Variants in ST6GALNAC5 observed in about 807,000 individuals in gnomAD.
ST6GALNAC5 encodes the protein alpha-N-acetylgalactosaminide alpha-2,6-sialyltransferase 5.
Under a neutral mutation model 33.6 loss-of-function variants are expected in ST6GALNAC5, and 27 were observed. That is an observed-to-expected ratio of 0.80 (90% CI 0.59 to 1.11). The LOEUF is 1.11. Ranked by LOEUF, ST6GALNAC5 falls within the 50% of genes least tolerant of loss-of-function variation. The pLI is 0.00. For synonymous variants in ST6GALNAC5, 194 were observed against 171.2 expected, an observed-to-expected ratio of 1.13 and a Z score of -1.04; for missense variants, 428 against 454.0, an observed-to-expected ratio of 0.94 and a Z score of 0.52.
rs1229323850 is a variant in ST6GALNAC5, at chr1:76,968,822, T to G, written c.262-75382T>G. Among the ~76,000 whole-genome samples, 5 of 152,202 alleles carry G rather than the reference T, an allele frequency of 3.3e-5. No homozygotes were observed. In the South Asian group the frequency reaches 1.0e-3, roughly 32 times the overall value. ...ATTTGCTGTCTGTAAAGGATTTTAT[T>G]TCTCCTTCACTTATGAAGCTTAGTT... is the stretch of plus-strand genomic sequence containing the variant. On this transcript the variant is annotated intron_variant, in intron 2 of 4. Coordinates refer to ENST00000477717, the MANE Select transcript of ST6GALNAC5 (RefSeq NM_030965.3).
chr1:76,970,545 T>A (rs1419989484), intron 2 of ST6GALNAC5, among the ~76,000 whole-genome samples: 3 of 151,856 alleles, frequency 2.0e-5, no homozygotes, highest in Non-Finnish European at 4.4e-5. Context: ...CTCCAAGAAA[T>A]ATGGGACTAT....
chr1:76,970,252 T>C (rs560315833), intron 2 of ST6GALNAC5, among the ~76,000 whole-genome samples: 9 of 151,888 alleles, frequency 5.9e-5, no homozygotes, highest in African/African-American at 1.7e-4. Context: ...AATAACAAAC[T>C]TCTCTGAGCT....
chr1:76,875,693 G>A (rs992827989), intron 2 of ST6GALNAC5, among the ~76,000 whole-genome samples: 2 of 152,192 alleles, frequency 1.3e-5, no homozygotes, highest in African/African-American at 2.4e-5. Flanking sequence ...GTGATGGTGA[G>A]TGGTTCCGCT....
At chr1:76,948,584 G>GGACA (rs1553168042) in intron 2 of ST6GALNAC5, among the ~76,000 whole-genome samples, 3 of 51,772 alleles carry the variant, frequency 5.8e-5, no homozygotes, top group Non-Finnish European at 1.4e-4. Context: ...ATGGGAGTGG[G>GGACA]GACAGAGAGA....
intron 2 of ST6GALNAC5, among the ~76,000 whole-genome samples, chr1:77,033,554 C>T (rs796336960): frequency 2.0e-5 from 3 of 152,062 alleles, no homozygotes; most frequent in African/African-American, 4.8e-5. Context: ...GTATTGGGCT[C>T]GGAAGAGGTC....
At chr1:77,043,142 G>A (rs866886415) in intron 2 of ST6GALNAC5, among the ~76,000 whole-genome samples, 1 of 152,222 alleles carries the variant, frequency 6.6e-6, no homozygotes, top group Non-Finnish European at 1.5e-5. Flanking sequence ...GAGAAGAAGC[G>A]CATAGACTCT....
intron 2 of ST6GALNAC5, among the ~76,000 whole-genome samples, chr1:76,878,725 G>C (rs2100919338): frequency 6.6e-6 from 1 of 152,210 alleles, no homozygotes; most frequent in African/African-American, 2.4e-5. Flanking sequence ...AGGATTCTCT[G>C]TTTTTACAAT....
chr1:76,907,724 A>G (rs1287019993), intron 2 of ST6GALNAC5, among the ~76,000 whole-genome samples: 2 of 152,012 alleles, frequency 1.3e-5, no homozygotes, highest in South Asian at 2.1e-4. Context: ...TTTTCCTCCT[A>G]TTAAGCATGG....
chr1:76,933,218 T>G (rs1265553381), intron 2 of ST6GALNAC5, among the ~76,000 whole-genome samples: 1 of 151,994 alleles, frequency 6.6e-6, no homozygotes, highest in African/African-American at 2.4e-5. Context: ...TGTGTATGGG[T>G]GGAGCTCTGG....
At chr1:77,011,278 G>A (rs1222839240) in intron 2 of ST6GALNAC5, among the ~76,000 whole-genome samples, 1 of 152,166 alleles carries the variant, frequency 6.6e-6, no homozygotes, top group Non-Finnish European at 1.5e-5. Flanking sequence ...TACGTGCCTT[G>A]GTGCCTCGGG....
At chr1:76,926,126 C>T (rs1164194162) in intron 2 of ST6GALNAC5, among the ~76,000 whole-genome samples, 1 of 152,128 alleles carries the variant, frequency 6.6e-6, no homozygotes, top group East Asian at 1.9e-4. Context: ...CTCTTCTCTT[C>T]CTTGTAGTTT....
chr1:76,899,946 G>A (rs1273957130), intron 2 of ST6GALNAC5, among the ~76,000 whole-genome samples: 2 of 152,170 alleles, frequency 1.3e-5, no homozygotes, highest in African/African-American at 4.8e-5. Context: ...TCCCAAGGGA[G>A]GTCCCCCGAT....
chr1:76,880,700 A>G (rs760650800), intron 2 of ST6GALNAC5, among the ~76,000 whole-genome samples: 2 of 152,152 alleles, frequency 1.3e-5, no homozygotes, highest in Non-Finnish European at 2.9e-5. Context: ...TTAAGGGTGG[A>G]TCTGCCTTCC....
chr1:77,009,878 T>A (rs1286588221), intron 2 of ST6GALNAC5, among the ~76,000 whole-genome samples: 1 of 152,192 alleles, frequency 6.6e-6, no homozygotes, highest in Non-Finnish European at 1.5e-5. Flanking sequence ...AGAGTGACCT[T>A]GATCCTTTCC....
intron 2 of ST6GALNAC5, among the ~76,000 whole-genome samples, chr1:76,936,985 T>TGTGTGTGTGTGTGTGTGG: frequency 6.6e-6 from 1 of 151,322 alleles, no homozygotes; most frequent in African/African-American, 2.4e-5. Flanking sequence ...TGTGTGTGTG[T>TGTGTGTGTGTGTGTGTGG]GTGTATGTGT....
chr1:77,058,119 G>T (rs1402563923), intron 4 of ST6GALNAC5, among the ~76,000 whole-genome samples: 1 of 152,202 alleles, frequency 6.6e-6, no homozygotes, highest in Non-Finnish European at 1.5e-5. Context: ...CCACCTGGGG[G>T]AAAGGAGTTT....
intron 2 of ST6GALNAC5, among the ~76,000 whole-genome samples, chr1:77,023,132 A>G (rs1282300834): frequency 6.6e-6 from 1 of 152,220 alleles, no homozygotes; most frequent in African/African-American, 2.4e-5. Context: ...CTGCAAGCCA[A>G]GGGAAGAGGA....
At chr1:76,912,616 G>A (rs564956084) in intron 2 of ST6GALNAC5, among the ~76,000 whole-genome samples, 1 of 150,732 alleles carries the variant, frequency 6.6e-6, no homozygotes, top group Non-Finnish European at 1.5e-5. Context: ...TCCTGTATTG[G>A]GTGCATATAT....
At chr1:76,940,080 TATGGTTTC>T (rs916435509) in intron 2 of ST6GALNAC5, among the ~76,000 whole-genome samples, 1 of 152,110 alleles carries the variant, frequency 6.6e-6, no homozygotes, top group Admixed American at 6.6e-5. Flanking sequence ...GGTGTGCATG[TATGGTTTC>T]ACTAAAAGCT....
Sources: gnomAD v4.1 joint callset for allele counts (sites outside exome capture counted in the v4.1 genomes callset) on GRCh38, gnomAD v4.1.1 for gene constraint, MANE v1.5 for transcripts, NCBI Gene and HGNC (gene_info 2026-07-23, HGNC 2026-07-21) for gene names.